CTNNA2: variants seen among roughly 807,000 people sequenced by gnomAD.
The protein encoded by CTNNA2 is catenin alpha 2, also known as catenin alpha-2.
CTNNA2 carries 42 observed loss-of-function variants against 101.0 expected under a neutral mutation model. The ratio of observed to expected loss-of-function variants is 0.42; its 90% CI spans 0.32 to 0.54. CTNNA2 has a LOEUF of 0.54. Ranked by LOEUF, CTNNA2 falls within the 20% of genes least tolerant of loss-of-function variation. The probability of loss-of-function intolerance (pLI) is 0.14; values close to 1 mark genes in which losing one functional copy is unlikely to be tolerated. For missense variants in CTNNA2, 871 were observed against 1,223.1 expected (o/e 0.71, Z 4.29); for synonymous variants, 450 against 456.4 (o/e 0.99, Z 0.18).
chr2:80,253,929 G>T (rs1293846085), intron 7 of CTNNA2, among the ~76,000 whole-genome samples: 1 of 152,120 alleles, frequency 6.6e-6, no homozygotes, highest in Non-Finnish European at 1.5e-5. Flanking sequence ...TTCATGGGAA[G>T]GTAGAGCATA....
intron 11 of CTNNA2, among the ~76,000 whole-genome samples, chr2:80,550,232 A>G (rs1573230143): frequency 6.6e-6 from 1 of 152,218 alleles, no homozygotes; most frequent in Non-Finnish European, 1.5e-5. Context: ...TAAAAACTGT[A>G]CATACCTTTA....
intron 18 of CTNNA2, among the ~76,000 whole-genome samples, chr2:80,641,817 G>A (rs1388347684): frequency 2.0e-5 from 3 of 151,696 alleles, no homozygotes; most frequent in South Asian, 2.1e-4. Context: ...TGATTTTAAA[G>A]GTCTTATTCT....
intron 7 of CTNNA2, among the ~76,000 whole-genome samples, chr2:79,915,433 T>A (rs1275785891): frequency 6.6e-6 from 1 of 152,240 alleles, no homozygotes; most frequent in African/African-American, 2.4e-5. Context: ...ACCATATCAA[T>A]AAACATTCTC....
At chr2:80,230,936 G>A (rs186282794) in intron 7 of CTNNA2, among the ~76,000 whole-genome samples, 7 of 151,540 alleles carry the variant, frequency 4.6e-5, no homozygotes, top group South Asian at 2.1e-4. Context: ...AGAAGCAGAC[G>A]TAGAATGATT....
At chr2:80,197,625 T>G (rs973259024) in intron 7 of CTNNA2, among the ~76,000 whole-genome samples, 18 of 152,288 alleles carry the variant, frequency 1.2e-4, no homozygotes, top group Middle Eastern at 3.4e-3. Context: ...CATTTTCTAC[T>G]GCCCAAACTT....
rs572724791 is a variant in CTNNA2 at position 79,377,651 on chromosome 2, G to T, written c.-135+3638G>T. 3.3e-5 allele frequency among the ~76,000 whole-genome samples: 5 copies of T among 152,210 alleles called. No individual in the cohort carries two copies. The East Asian group carries it at 9.7e-4, about 29-fold the overall frequency. ...ATAATAGTGGTAATATTTCCCTCTG[G>T]GGAAAAGGGCATGTTTGCTTTCATT... On this transcript the variant is annotated intron_variant, in intron 4 of 21. Coordinates refer to the CTNNA2 transcript ENST00000466387.
chr2:80,006,364 A>C (rs918050461), intron 7 of CTNNA2, among the ~76,000 whole-genome samples: 2 of 151,344 alleles, frequency 1.3e-5, no homozygotes, highest in African/African-American at 4.8e-5. Context: ...TGCAGTAAAA[A>C]AAAAAAAAAA....
intron 12 of CTNNA2, among the ~76,000 whole-genome samples, chr2:80,562,310 C>T (rs773591676): frequency 8.5e-5 from 13 of 152,236 alleles, no homozygotes; most frequent in East Asian, 1.9e-4. Flanking sequence ...TCAGAAAATA[C>T]GACCATAACC....
At chr2:80,109,651 C>T (rs1386664616) in intron 7 of CTNNA2, among the ~76,000 whole-genome samples, 1 of 150,612 alleles carries the variant, frequency 6.6e-6, no homozygotes, top group Non-Finnish European at 1.5e-5. Flanking sequence ...TCTCAAAAAC[C>T]TTCTGTTTGG....
At chr2:79,753,981 G>T (rs1306951544) in intron 3 of CTNNA2, among the ~76,000 whole-genome samples, 2 of 148,408 alleles carry the variant, frequency 1.3e-5, no homozygotes, top group Non-Finnish European at 3.0e-5. Context: ...CTATTCTCCT[G>T]CCTCAGCCTC....
At chr2:80,460,608 G>GT (rs1320683064) in intron 9 of CTNNA2, among the ~76,000 whole-genome samples, 2 of 152,066 alleles carry the variant, frequency 1.3e-5, no homozygotes, top group East Asian at 3.9e-4. Context: ...GCTGTCATTA[G>GT]TTGTATTCAT....
intron 7 of CTNNA2, among the ~76,000 whole-genome samples, chr2:80,187,040 A>G (rs969657629): frequency 3.9e-5 from 6 of 152,180 alleles, no homozygotes; most frequent in African/African-American, 1.4e-4. Context: ...AAAATTATTT[A>G]TTCATTGATG....
rs900336519 is a variant in CTNNA2, at chr2:79,702,066, G to A, written c.103-42321G>A. On this transcript the variant is annotated intron_variant, in intron 2 of 18. Transcript: ENST00000402739. ...ATTGCAAGAGAGGTAACAAGAACAG[G>A]CCCCTGATACCCAAAATAAGCATGG... Among the ~76,000 whole-genome samples the A allele has an allele frequency of 8.0e-5, 12 of 149,770 alleles. No individual in the cohort carries two copies. The East Asian group carries it at 2.4e-3, about 30-fold the overall frequency.
chr2:79,645,945 A>G (rs1680785772), intron 1 of CTNNA2, among the ~76,000 whole-genome samples: 1 of 152,176 alleles, frequency 6.6e-6, no homozygotes, highest in Admixed American at 6.5e-5. Context: ...CTAGCCTATC[A>G]TATAATAAAG....
intron 9 of CTNNA2, among the ~76,000 whole-genome samples, chr2:80,441,429 A>G (rs1000583062): frequency 6.6e-6 from 1 of 152,164 alleles, no homozygotes; most frequent in African/African-American, 2.4e-5. Flanking sequence ...AACATATGAC[A>G]GTTTTGTTGT....
chr2:79,238,197 T>C (rs1490526476), intron 2 of CTNNA2, among the ~76,000 whole-genome samples: 1 of 151,236 alleles, frequency 6.6e-6, no homozygotes, highest in Non-Finnish European at 1.5e-5. Context: ...TTCAATATTG[T>C]TGTGTCTTAG....
intron 7 of CTNNA2, among the ~76,000 whole-genome samples, chr2:80,089,298 T>G (rs573794523): frequency 6.6e-6 from 1 of 151,984 alleles, no homozygotes; most frequent in Non-Finnish European, 1.5e-5. Flanking sequence ...AAAGACAATC[T>G]ATATTCTCAC....
chr2:79,506,857 CT>C (rs1671424027), intron 5 of CTNNA2, among the ~76,000 whole-genome samples: 1 of 152,162 alleles, frequency 6.6e-6, no homozygotes, highest in Non-Finnish European at 1.5e-5. Context: ...TTCAAAGCAT[CT>C]TGTGGTCACA....
intron 1 of CTNNA2, among the ~76,000 whole-genome samples, chr2:79,627,351 GC>G (rs1228282523): frequency 7.9e-5 from 12 of 152,330 alleles, no homozygotes; most frequent in African/African-American, 2.9e-4. Flanking sequence ...TTTGAAATGT[GC>G]CATGGAGGGG....
Sources: allele counts gnomAD v4.1 joint callset (sites outside exome capture counted in the v4.1 genomes callset), GRCh38; gene constraint gnomAD v4.1.1; transcripts MANE v1.5; gene names NCBI Gene and HGNC (gene_info 2026-07-23, HGNC 2026-07-21).